MAST4: variants seen among roughly 807,000 people sequenced by gnomAD.
MAST4 encodes the protein microtubule-associated serine/threonine-protein kinase 4.
In MAST4, 89 loss-of-function variants were observed where a neutral mutation model predicts 162.7. The observed-to-expected ratio is 0.55, with a 90% CI of 0.46 to 0.65. The LOEUF (loss-of-function observed/expected upper bound fraction) is 0.65, where lower values mean the gene tolerates loss of function less well. Ranked by LOEUF, MAST4 falls within the 30% of genes least tolerant of loss-of-function variation. The probability of loss-of-function intolerance (pLI) is 0.00; values close to 1 mark genes in which losing one functional copy is unlikely to be tolerated. For synonymous variants in MAST4, 1,479 were observed against 1,361.1 expected (o/e 1.09, Z -1.91); for missense variants, 3,153 against 3,374.0 (o/e 0.93, Z 1.62).
At chr5:66,723,457 T>C (rs1357974417) in intron 1 of MAST4, among the ~76,000 whole-genome samples, 2 of 152,178 alleles carry the variant, frequency 1.3e-5, no homozygotes, top group African/African-American at 4.8e-5. Context: ...GAAAGAAGGG[T>C]TAGCTATGGA....
intron 4 of MAST4, among the ~76,000 whole-genome samples, chr5:67,052,958 T>C (rs971818502): frequency 1.3e-5 from 2 of 152,184 alleles, no homozygotes; most frequent in Non-Finnish European, 2.9e-5. Flanking sequence ...CCAATCAGAC[T>C]GTCTGATTTA....
chr5:66,849,343 G>A (rs1347902412), intron 3 of MAST4, among the ~76,000 whole-genome samples: 1 of 152,122 alleles, frequency 6.6e-6, no homozygotes, highest in Non-Finnish European at 1.5e-5. Flanking sequence ...CCCTCCTCCT[G>A]AGGAGTCTCT....
At chr5:67,022,831 T>C (rs1452157175) in intron 4 of MAST4, among the ~76,000 whole-genome samples, 3 of 152,114 alleles carry the variant, frequency 2.0e-5, no homozygotes, top group African/African-American at 7.2e-5. Flanking sequence ...TTTGTGTGTG[T>C]GAAATAAGAT....
At chr5:67,003,810 G>C (rs1751572873) in intron 4 of MAST4, 1 of 152,224 alleles carries the variant, frequency 6.6e-6, no homozygotes, top group African/African-American at 2.4e-5. Context: ...ATAAATGCCA[G>C]GTAGTGTCTT....
intron 1 of MAST4, among the ~76,000 whole-genome samples, chr5:66,676,961 G>A (rs1224783859): frequency 6.6e-6 from 1 of 152,082 alleles, no homozygotes; most frequent in Admixed American, 6.6e-5. Flanking sequence ...TGGGCTAAAG[G>A]GTTTATAAAA....
chr5:66,715,676 TA>T (rs371067192), intron 1 of MAST4, among the ~76,000 whole-genome samples: 3 of 50,806 alleles, frequency 5.9e-5, no homozygotes, highest in East Asian at 3.0e-3. Context: ...ATAATAATAA[TA>T]AAATAAAAAT....
chr5:67,095,060 GT>G (rs988515279), intron 6 of MAST4, among the ~76,000 whole-genome samples: 6 of 152,172 alleles, frequency 3.9e-5, no homozygotes, highest in African/African-American at 1.4e-4. Flanking sequence ...TAATGCTAAA[GT>G]TATTTGACAC....
At chr5:66,885,821 G>A (rs190507903) in intron 3 of MAST4, among the ~76,000 whole-genome samples, 1 of 152,280 alleles carries the variant, frequency 6.6e-6, no homozygotes, top group African/African-American at 2.4e-5. Flanking sequence ...CTATTACGTA[G>A]ATGAGTAATT....
intron 1 of MAST4, among the ~76,000 whole-genome samples, chr5:66,652,617 A>G (rs1746301734): frequency 6.6e-6 from 1 of 152,180 alleles, no homozygotes; most frequent in Admixed American, 6.5e-5. Flanking sequence ...ATAGAATTCA[A>G]TCTTTAATGC....
intron 4 of MAST4, among the ~76,000 whole-genome samples, chr5:66,964,482 G>T (rs1414534481): frequency 6.6e-6 from 1 of 152,158 alleles, no homozygotes; most frequent in Non-Finnish European, 1.5e-5. Flanking sequence ...AGTGTACCCA[G>T]CGTCCCTTTC....
At chr5:67,130,515 C>T in intron 15 of MAST4, 97 bp downstream of exon 15, 1 of 1,235,238 alleles carries the variant, frequency 8.1e-7, no homozygotes, top group Admixed American at 2.0e-5. Context: ...ATGGCTGTAT[C>T]CACCTAGGAA....
intron 1 of MAST4, among the ~76,000 whole-genome samples, chr5:66,614,785 C>T (rs1191218591): frequency 2.0e-5 from 3 of 152,148 alleles, no homozygotes; most frequent in East Asian, 3.9e-4. Context: ...AGAGCAGGGA[C>T]CTCACGGGAC....
At chr5:66,750,792 C>A (rs1273257558) in intron 1 of MAST4, among the ~76,000 whole-genome samples, 1 of 152,236 alleles carries the variant, frequency 6.6e-6, no homozygotes, top group Non-Finnish European at 1.5e-5. Flanking sequence ...GTGGAGCCCA[C>A]CACAGCTCAA....
rs376604645 is a variant in MAST4, at chr5:66,639,515, A to G, written c.363+42497A>G. 1.1e-3 allele frequency among the ~76,000 whole-genome samples: 159 copies of G among 151,422 alleles called. 1 individual carries two copies. The highest frequency in any genetic ancestry group is 3.8e-3 in the African/African-American group (156 of 40,708). On this transcript the variant is annotated intron_variant, in intron 1 of 28. Transcript: ENST00000403625. ...ACTATATTGAGAAAGTGGTGTAACT[A>G]TGTTCGGTGAAACTGTATCAAATGA... is the stretch of plus-strand genomic sequence containing the variant.
intron 3 of MAST4, among the ~76,000 whole-genome samples, chr5:66,835,692 A>G (rs909375060): frequency 6.6e-6 from 1 of 152,214 alleles, no homozygotes; most frequent in Non-Finnish European, 1.5e-5. Flanking sequence ...TAACTAAATA[A>G]GATGTTTGAA....
intron 4 of MAST4, among the ~76,000 whole-genome samples, chr5:66,918,338 A>G (rs1462277350): frequency 2.0e-5 from 3 of 152,318 alleles, no homozygotes; most frequent in Admixed American, 1.3e-4. Flanking sequence ...ACTGAAGTGC[A>G]CAATACACCA....
chr5:66,806,572 T>C (rs977356019), intron 3 of MAST4, among the ~76,000 whole-genome samples: 2 of 152,186 alleles, frequency 1.3e-5, no homozygotes, highest in African/African-American at 2.4e-5. Flanking sequence ...TCTCTCAGGA[T>C]CATAGACCCA....
chr5:66,857,346 C>A (rs1004935230), intron 3 of MAST4, among the ~76,000 whole-genome samples: 4 of 152,208 alleles, frequency 2.6e-5, no homozygotes, highest in Non-Finnish European at 4.4e-5. Flanking sequence ...TTCACTGTTA[C>A]AAACGATACT....
Position 67,121,073 on chromosome 5 carries a change from GATT to G in MAST4, c.1718_1720del (p.Ile573del). The stretch of plus-strand genomic sequence containing the variant: ...AACCTCGGGAAAGTGATTTTGAAAC[GATT>G]AAATTGATTAGCAATGGAGCCTATG... On this transcript the variant is annotated inframe_deletion, in exon 14 of 29. Transcript: ENST00000403625. The G allele has an allele frequency of 6.2e-7, 1 of 1,609,286 alleles. No homozygotes were observed. The highest frequency in any genetic ancestry group is 8.5e-7 in the Non-Finnish European group (1 of 1,177,708).
Sources: allele counts gnomAD v4.1 joint callset (sites outside exome capture counted in the v4.1 genomes callset), GRCh38; gene constraint gnomAD v4.1.1; transcripts MANE v1.5; gene names NCBI Gene and HGNC (gene_info 2026-07-23, HGNC 2026-07-21).